SEC11A: variants seen among roughly 807,000 people sequenced by gnomAD.
SEC11A encodes SEC11 homolog A, signal peptidase complex subunit.
A neutral mutation model predicts 25.6 loss-of-function variants in SEC11A; 14 were observed. The ratio of observed to expected loss-of-function variants is 0.55; its 90% confidence interval spans 0.36 to 0.85. SEC11A has a LOEUF of 0.85. Ranked by LOEUF, SEC11A falls within the 40% of genes least tolerant of loss-of-function variation. The pLI is 0.01. For synonymous variants in SEC11A, 83 were observed against 76.4 expected (o/e 1.09, Z -0.45); for missense variants, 153 against 222.9 (o/e 0.69, Z 2.00).
At chr15:84,675,908 G>A (rs1368353439) in intron 4 of SEC11A, among the ~76,000 whole-genome samples, 4 of 152,164 alleles carry the variant, frequency 2.6e-5, no homozygotes, top group Admixed American at 6.5e-5. Flanking sequence ...AAAAGACTAC[G>A]CATTGTATGA....
At chr15:84,696,645 A>T (rs1008734901) in intron 1 of SEC11A, among the ~76,000 whole-genome samples, 2 of 152,150 alleles carry the variant, frequency 1.3e-5, no homozygotes, top group Non-Finnish European at 2.9e-5. Context: ...ACTTGCATGT[A>T]CCCTATGTTA....
At chr15:84,681,256 T>G (rs1010869611) in intron 3 of SEC11A, among the ~76,000 whole-genome samples, 1 of 151,898 alleles carries the variant, frequency 6.6e-6, no homozygotes, top group African/African-American at 2.4e-5. Flanking sequence ...ATACAGACTA[T>G]GGGAAACTAC....
intron 1 of SEC11A, among the ~76,000 whole-genome samples, chr15:84,694,820 A>C (rs961542914): frequency 9.9e-5 from 15 of 152,012 alleles, no homozygotes; most frequent in Non-Finnish European, 1.8e-4. Flanking sequence ...GGCCGAGTGC[A>C]GTGGCTCACG....
At chr15:84,710,901 G>A (rs569370868) in intron 1 of SEC11A, among the ~76,000 whole-genome samples, 6 of 151,412 alleles carry the variant, frequency 4.0e-5, no homozygotes, top group Non-Finnish European at 8.8e-5. Flanking sequence ...GTGAAACCCC[G>A]TCTCTACTAA....
chr15:84,686,487 TGTA>T (rs1897426539), intron 3 of SEC11A: 2 of 152,300 alleles, frequency 1.3e-5, no homozygotes, highest in Non-Finnish European at 2.9e-5. Flanking sequence ...GGCACATGCC[TGTA>T]ATCCCAGCTA....
chr15:84,687,117 C>G (rs930443380), intron 3 of SEC11A, among the ~76,000 whole-genome samples: 3 of 152,150 alleles, frequency 2.0e-5, no homozygotes, highest in African/African-American at 7.2e-5. Flanking sequence ...GGTGATCCAC[C>G]CACCTCGGCC....
At chr15:84,679,614 A>G (rs556617034) in intron 4 of SEC11A, among the ~76,000 whole-genome samples, 1 of 152,250 alleles carries the variant, frequency 6.6e-6, no homozygotes, top group South Asian at 2.1e-4. Context: ...TGTGGCATCT[A>G]ACTAGTGAGA....
chr15:84,698,705 T>C (rs1248896631), intron 1 of SEC11A, among the ~76,000 whole-genome samples: 2 of 152,176 alleles, frequency 1.3e-5, no homozygotes, highest in African/African-American at 2.4e-5. Context: ...ATTTAACATA[T>C]ACAAACACAT....
chr15:84,695,087 C>A (rs1391588382), intron 1 of SEC11A, among the ~76,000 whole-genome samples: 2 of 27,526 alleles, frequency 7.3e-5, no homozygotes, highest in Non-Finnish European at 1.2e-4. Flanking sequence ...AAGACTCCAT[C>A]TAAAAAAAAA....
intron 4 of SEC11A, chr15:84,673,446 AG>A (rs1876407595): frequency 5.4e-6 from 1 of 185,182 alleles, no homozygotes; most frequent in Non-Finnish European, 1.1e-5. Context: ...AAAAAAAAAA[AG>A]AACTCCCCTC....
Position 84,716,115 on chromosome 15 carries a change from G to C in SEC11A, c.-40C>G. ...GCAGGACACCGGCAGGGGAAAGGGC[G>C]CGATGACCAGCGGGCGGAACTACTG... On this transcript the variant is annotated 5_prime_UTR_variant, in exon 1 of 6. Transcript: ENST00000268220. 1 of 1,596,608 alleles carries C rather than the reference G, an allele frequency of 6.3e-7. No individual in the cohort carries two copies. Among genetic ancestry groups the C allele is most frequent in the Non-Finnish European group, 8.6e-7 (1 of 1,165,402 alleles).
At chr15:84,680,047 A>C (rs1157062054) in intron 4 of SEC11A, 12 of 939,844 alleles carry the variant, frequency 1.3e-5, no homozygotes, top group Admixed American at 1.2e-4. Flanking sequence ...ATTATGGATT[A>C]AATTAACATG....
At chr15:84,702,658 A>G (rs949050563) in intron 1 of SEC11A, among the ~76,000 whole-genome samples, 29 of 152,092 alleles carry the variant, frequency 1.9e-4, no homozygotes, top group Non-Finnish European at 3.1e-4. Flanking sequence ...GACAACTTTG[A>G]TGAAGTAAGT....
chr15:84,687,514 G>T lies in SEC11A; in HGVS notation c.311+111C>A, dbSNP rs1218929046. The T allele has an allele frequency of 6.7e-6, 5 of 750,802 alleles. No homozygotes were observed. In the Admixed American group the frequency reaches 1.2e-4, roughly 19 times the overall value. 46.5% of individuals were successfully genotyped at this position (750,802 alleles called of 1,614,324 possible). A position where few individuals can be genotyped will look rare whatever the true frequency, so the allele number is the denominator to read the frequency against. Reference sequence around the variant, plus strand: ...CAGCATTCATAAAAATGGACTGGAAGAAGGCCTAGAGGTTCCTCACTGTTT... The same window carrying T: ...CAGCATTCATAAAAATGGACTGGAATAAGGCCTAGAGGTTCCTCACTGTTT... On this transcript the variant is annotated intron_variant, in intron 3 of 5. Transcript: ENST00000268220.
intron 2 of SEC11A, among the ~76,000 whole-genome samples, chr15:84,688,219 T>G (rs1253936265): frequency 1.3e-5 from 2 of 152,242 alleles, no homozygotes; most frequent in Non-Finnish European, 2.9e-5. Context: ...ACAGCCAAGA[T>G]GACCTTATAT....
chr15:84,714,672 T>C (rs1370347616), intron 1 of SEC11A: 2 of 152,226 alleles, frequency 1.3e-5, no homozygotes, highest in African/African-American at 2.4e-5. Flanking sequence ...ACTTCTATAC[T>C]GTATTGCTTC....
chr15:84,708,621 C>T (rs1046219189), intron 1 of SEC11A, among the ~76,000 whole-genome samples: 10 of 151,792 alleles, frequency 6.6e-5, no homozygotes, highest in African/African-American at 2.4e-4. Flanking sequence ...CAAAAATTAA[C>T]CAGGTATGAA....
intron 1 of SEC11A, among the ~76,000 whole-genome samples, chr15:84,710,145 G>A (rs1898216858): frequency 1.3e-5 from 2 of 152,298 alleles, no homozygotes; most frequent in South Asian, 2.1e-4. Flanking sequence ...TAGATTATGT[G>A]AATCAGAAAG....
chr15:84,685,478 C>T (rs1897392936), intron 3 of SEC11A, among the ~76,000 whole-genome samples: 1 of 150,476 alleles, frequency 6.6e-6, no homozygotes, highest in East Asian at 2.0e-4. Flanking sequence ...CTGGTCTAGA[C>T]GCCCAGGCTG....
Sources: allele counts gnomAD v4.1 joint callset (sites outside exome capture counted in the v4.1 genomes callset), GRCh38; gene constraint gnomAD v4.1.1; transcripts MANE v1.5; gene names NCBI Gene and HGNC (gene_info 2026-07-23, HGNC 2026-07-21).